The following KLHL32 variants were observed in gnomAD, a reference collection of about 807,000 sequenced individuals.
KLHL32 encodes kelch like family member 32.
KLHL32 carries 35 observed loss-of-function variants against 64.8 expected under a neutral mutation model. The observed-to-expected ratio is 0.54, with a 90% CI of 0.41 to 0.72. The LOEUF (loss-of-function observed/expected upper bound fraction) is 0.72. Ranked by LOEUF, KLHL32 falls within the 30% of genes least tolerant of loss-of-function variation. The pLI is 0.00. For synonymous variants in KLHL32, 259 were observed against 281.0 expected, an observed-to-expected ratio of 0.92 and a Z score of 0.78; for missense variants, 589 against 768.5, an observed-to-expected ratio of 0.77 and a Z score of 2.76.
chr6:96,943,371 T>G (rs535284342), intron 1 of KLHL32, among the ~76,000 whole-genome samples: 2 of 147,866 alleles, frequency 1.4e-5, no homozygotes, highest in Non-Finnish European at 3.0e-5. Context: ...TTTACTTCTA[T>G]TTCCAAGAAG....
intron 2 of KLHL32, among the ~76,000 whole-genome samples, chr6:96,967,992 A>G (rs1264785145): frequency 6.6e-6 from 1 of 152,228 alleles, no homozygotes; most frequent in Non-Finnish European, 1.5e-5. Flanking sequence ...AAATATCTTC[A>G]GAGCAAAGAA....
chr6:97,073,100 C>A (rs1791014693), intron 5 of KLHL32, among the ~76,000 whole-genome samples: 1 of 152,176 alleles, frequency 6.6e-6, no homozygotes, highest in Admixed American at 6.5e-5. Context: ...GGTGCTTCAC[C>A]TGTGAATTCC....
chr6:97,120,495 G>A (rs930473518), intron 7 of KLHL32, among the ~76,000 whole-genome samples: 6 of 152,146 alleles, frequency 3.9e-5, no homozygotes, highest in South Asian at 2.1e-4. Flanking sequence ...AATTTCTGTC[G>A]TTTTATGGTG....
chr6:96,932,229 C>A (rs1456030397), intron 1 of KLHL32, among the ~76,000 whole-genome samples: 1 of 130,046 alleles, frequency 7.7e-6, no homozygotes, highest in Admixed American at 7.8e-5. Flanking sequence ...TTTGAGATTT[C>A]AAAGCCTAAA....
In KLHL32 at chr6:97,114,113, A is replaced by G. The variant is rs1330138477; in HGVS notation, c.958A>G (p.Ile320Val). 3.2e-5 allele frequency: 51 copies of G among 1,613,790 alleles called. No individual in the cohort carries two copies. The Admixed American group carries it at 7.8e-4, about 25-fold the overall frequency. The change falls in exon 7 of 11, where the codon ATA (isoleucine) becomes GTA (valine). Residue 320 changes from isoleucine (I) to valine (V), a missense_variant. Physicochemically the swap from Ile to Val is conservative, Grantham distance 29 (BLOSUM62 3). Transcript: ENST00000369261. ...TCCTGTTGATCAGGAGAATGCTCTCATAGCTGCCATTGCCAACTGGAGTGA... is the reference window on the plus strand; with the variant it reads ...TCCTGTTGATCAGGAGAATGCTCTCGTAGCTGCCATTGCCAACTGGAGTGA... ...FNPVDQENAL[I>V]AAIANWSELA...
intron 1 of KLHL32, among the ~76,000 whole-genome samples, chr6:96,948,647 G>T (rs62413868): frequency 0.099 from 15,044 of 152,048 alleles, 790 homozygotes; most frequent in Middle Eastern, 0.16. Context: ...CTTGGTTAGA[G>T]AATACACTTT....
At chr6:97,132,548 C>A in intron 9 of KLHL32, 105 bp from the exon 10 acceptor site, 1 of 804,802 alleles carries the variant, frequency 1.2e-6, no homozygotes, top group Non-Finnish European at 2.0e-6. Context: ...ATGGAGTATA[C>A]AAATGTGCCA....
At chr6:97,006,772 C>CA (rs1323661690) in intron 3 of KLHL32, among the ~76,000 whole-genome samples, 1 of 152,100 alleles carries the variant, frequency 6.6e-6, no homozygotes, top group Non-Finnish European at 1.5e-5. Context: ...TTAGGTATGA[C>CA]ATTCTTTGTT....
chr6:97,023,940 T>A (rs949045821), intron 3 of KLHL32, among the ~76,000 whole-genome samples: 1 of 152,164 alleles, frequency 6.6e-6, no homozygotes, highest in Non-Finnish European at 1.5e-5. Context: ...TTGAAAAATG[T>A]GTGAAAAAAT....
chr6:97,139,101 C>T lies in KLHL32; in HGVS notation c.1702-20C>T. On this transcript the variant is annotated intron_variant, in intron 10 of 10. Coordinates refer to ENST00000369261, the MANE Select transcript of KLHL32 (RefSeq NM_052904.4). ...GCAGTCATCTTTGATACACAAGCTT[C>T]TTCTCTTCCTCTTTTGTAGGTACTG... The T allele has an allele frequency of 6.3e-7, 1 of 1,599,188 alleles. No homozygotes were observed. The highest frequency in any genetic ancestry group is 1.1e-5 in the South Asian group (1 of 88,066).
intron 1 of KLHL32, among the ~76,000 whole-genome samples, chr6:96,945,843 A>G (rs1771855619): frequency 6.6e-6 from 1 of 152,132 alleles, no homozygotes; most frequent in Admixed American, 6.5e-5. Flanking sequence ...AGAGGCTGGC[A>G]TTGTTGTACA....
At chr6:96,975,106 G>C (rs891274889) in intron 2 of KLHL32, among the ~76,000 whole-genome samples, 2 of 152,184 alleles carry the variant, frequency 1.3e-5, no homozygotes. Flanking sequence ...TGCATTTTGT[G>C]TTTATGGCAT....
At chr6:97,059,012 T>C (rs1463337297) in intron 4 of KLHL32, among the ~76,000 whole-genome samples, 2 of 152,332 alleles carry the variant, frequency 1.3e-5, no homozygotes, top group Non-Finnish European at 2.9e-5. Context: ...CTGAGGCACC[T>C]GGAGTTGAGC....
At chr6:97,050,273 A>AC (rs1227458071) in intron 4 of KLHL32, among the ~76,000 whole-genome samples, 3 of 152,020 alleles carry the variant, frequency 2.0e-5, no homozygotes, top group Non-Finnish European at 4.4e-5. Context: ...AGAATGCGCA[A>AC]CCCCCCAACC....
intron 3 of KLHL32, among the ~76,000 whole-genome samples, chr6:97,004,280 C>T (rs1006278717): frequency 3.3e-5 from 5 of 151,988 alleles, no homozygotes; most frequent in African/African-American, 9.7e-5. Context: ...TCAGCTTGGA[C>T]GTTGTTGGTG....
At chr6:96,945,571 GA>G (rs1771820063) in intron 1 of KLHL32, among the ~76,000 whole-genome samples, 1 of 152,214 alleles carries the variant, frequency 6.6e-6, no homozygotes, top group African/African-American at 2.4e-5. Context: ...CCTAGAAAGA[GA>G]GGGGTGCTTT....
chr6:97,007,899 C>T (rs965227622), intron 3 of KLHL32, among the ~76,000 whole-genome samples: 7 of 152,182 alleles, frequency 4.6e-5, no homozygotes, highest in East Asian at 1.9e-4. Flanking sequence ...CACAACACCC[C>T]GATGAGGGCT....
At chr6:97,006,634 CT>C (rs1229066711) in intron 3 of KLHL32, among the ~76,000 whole-genome samples, 1 of 152,072 alleles carries the variant, frequency 6.6e-6, no homozygotes, top group Non-Finnish European at 1.5e-5. Flanking sequence ...CAGTAATGGT[CT>C]TTGTTTCCAT....
At chr6:96,966,470 C>T (rs917129628) in intron 1 of KLHL32, among the ~76,000 whole-genome samples, 4 of 152,112 alleles carry the variant, frequency 2.6e-5, no homozygotes, top group Non-Finnish European at 4.4e-5. Context: ...TTTTTCATTT[C>T]CTACTGATTT....
Sources: gnomAD v4.1 joint callset for allele counts (sites outside exome capture counted in the v4.1 genomes callset) on GRCh38, gnomAD v4.1.1 for gene constraint, MANE v1.5 for transcripts, NCBI Gene and HGNC (gene_info 2026-07-23, HGNC 2026-07-21) for gene names.